MGAT4C: variants seen among roughly 807,000 people sequenced by gnomAD.
MGAT4C encodes the protein MGAT4 family member C, also known as alpha-1,3-mannosyl-glycoprotein 4-beta-N-acetylglucosaminyltransferase C.
A neutral mutation model predicts 40.1 loss-of-function variants in MGAT4C; 19 were observed. The observed-to-expected ratio is 0.47, with a 90% CI of 0.33 to 0.70. The LOEUF (loss-of-function observed/expected upper bound fraction) is 0.70. Ranked by LOEUF, MGAT4C falls within the 30% of genes least tolerant of loss-of-function variation. MGAT4C has a pLI of 0.02. For missense variants in MGAT4C, 491 were observed against 563.2 expected, an observed-to-expected ratio of 0.87 and a Z score of 1.30; for synonymous variants, 181 against 187.1, an observed-to-expected ratio of 0.97 and a Z score of 0.27.
chr12:86,837,607 T>G (rs150421293), intron 1 of MGAT4C, among the ~76,000 whole-genome samples: 134 of 152,202 alleles, frequency 8.8e-4, no homozygotes, highest in African/African-American at 3.1e-3. Context: ...ATATACCTGC[T>G]ATTCTAACCA....
chr12:86,158,938 C>T (rs1855598741), intron 1 of MGAT4C, among the ~76,000 whole-genome samples: 1 of 152,104 alleles, frequency 6.6e-6, no homozygotes, highest in East Asian at 1.9e-4. Context: ...AGTCTTTAGG[C>T]AGAATACAGG....
chr12:86,555,456 T>G (rs184089415), intron 2 of MGAT4C, among the ~76,000 whole-genome samples: 4 of 152,018 alleles, frequency 2.6e-5, no homozygotes, highest in Admixed American at 1.3e-4. Context: ...ATGTCCGGGG[T>G]CCAGGGTCTA....
chr12:86,593,344 CT>C (rs1290273573), intron 2 of MGAT4C, among the ~76,000 whole-genome samples: 1 of 151,784 alleles, frequency 6.6e-6, no homozygotes, highest in Non-Finnish European at 1.5e-5. Flanking sequence ...CATTGATTTT[CT>C]CTACTGTTTT....
At chr12:86,292,241 C>CA (rs1333723731) in intron 4 of MGAT4C, among the ~76,000 whole-genome samples, 2 of 151,414 alleles carry the variant, frequency 1.3e-5, no homozygotes, top group African/African-American at 4.9e-5. Flanking sequence ...TACATTTTAG[C>CA]AAAAATATAA....
intron 2 of MGAT4C, among the ~76,000 whole-genome samples, chr12:86,021,437 A>G (rs570452553): frequency 6.6e-6 from 1 of 152,032 alleles, no homozygotes; most frequent in Non-Finnish European, 1.5e-5. Context: ...TGTCCTTTGT[A>G]GGGACATGGA....
intron 1 of MGAT4C, among the ~76,000 whole-genome samples, chr12:86,087,117 GTGC>G (rs1416689029): frequency 1.1e-4 from 16 of 152,168 alleles, no homozygotes; most frequent in African/African-American, 3.9e-4. Flanking sequence ...ATTGTGGCTA[GTGC>G]TGCAGTAAAC....
intron 2 of MGAT4C, among the ~76,000 whole-genome samples, chr12:86,689,158 C>G (rs1950128554): frequency 6.6e-6 from 1 of 152,146 alleles, no homozygotes; most frequent in African/African-American, 2.4e-5. Flanking sequence ...GTGTATACTT[C>G]ACGAAGTTCT....
intron 1 of MGAT4C, among the ~76,000 whole-genome samples, chr12:86,187,200 C>A (rs901400137): frequency 7.9e-5 from 12 of 152,042 alleles, no homozygotes; most frequent in African/African-American, 2.7e-4. Flanking sequence ...GATCAAATCT[C>A]TACTATAGCC....
chr12:86,641,002 T>C (rs1963364512), intron 2 of MGAT4C, among the ~76,000 whole-genome samples: 1 of 151,978 alleles, frequency 6.6e-6, no homozygotes, highest in Non-Finnish European at 1.5e-5. Flanking sequence ...GTACATTTGC[T>C]GAGGAGAGCT....
chr12:86,792,935 G>A (rs529599670), intron 1 of MGAT4C, among the ~76,000 whole-genome samples: 7 of 152,056 alleles, frequency 4.6e-5, no homozygotes, highest in African/African-American at 1.7e-4. Flanking sequence ...CAAAACAAAA[G>A]AAAACAAAAC....
At position 86,012,776 on chromosome 12, in the gene MGAT4C, A is replaced by AC. The variant is rs1490312894; in HGVS notation, c.-6-23225dup. ...TCAAACAACAACAACAACAACAACAACAACCACCACCACCACCACCACCAC... is the reference window on the plus strand; with the variant it reads ...TCAAACAACAACAACAACAACAACAACCAACCACCACCACCACCACCACCAC... On this transcript the variant is annotated intron_variant, in intron 2 of 4. Transcript: ENST00000611864. Among the ~76,000 whole-genome samples, 10 of 119,548 alleles carry AC rather than the reference A, an allele frequency of 8.4e-5. No individual in the cohort carries two copies. The South Asian group carries it at 1.0e-3, about 12-fold the overall frequency. The allele number at this position is 119,548 out of a possible 152,430, so 78.4% of individuals were successfully genotyped here.
intron 1 of MGAT4C, among the ~76,000 whole-genome samples, chr12:86,088,850 C>T (rs1299380831): frequency 6.6e-6 from 1 of 152,110 alleles, no homozygotes; most frequent in South Asian, 2.1e-4. Flanking sequence ...CCTCAAGGAC[C>T]TAAAAGTAGA....
At chr12:86,305,052 C>A (rs1452737913) in intron 4 of MGAT4C, among the ~76,000 whole-genome samples, 3 of 150,528 alleles carry the variant, frequency 2.0e-5, no homozygotes, top group Admixed American at 6.6e-5. Flanking sequence ...TGGTCTTTAT[C>A]AAAAATAAAT....
At chr12:86,490,732 G>T (rs1161990009) in intron 2 of MGAT4C, among the ~76,000 whole-genome samples, 2 of 151,580 alleles carry the variant, frequency 1.3e-5, no homozygotes, top group African/African-American at 4.8e-5. Flanking sequence ...CCAAGAAAAT[G>T]GAAAACAAAA....
chr12:86,273,285 A>G (rs886948492), intron 4 of MGAT4C, among the ~76,000 whole-genome samples: 2 of 152,172 alleles, frequency 1.3e-5, no homozygotes, highest in East Asian at 1.9e-4. Context: ...TAGACTTCTC[A>G]TTTATAGATT....
At chr12:86,298,992 C>T (rs1381240224) in intron 4 of MGAT4C, among the ~76,000 whole-genome samples, 1 of 152,094 alleles carries the variant, frequency 6.6e-6, no homozygotes, top group Non-Finnish European at 1.5e-5. Context: ...CTATTTAAAA[C>T]ATATATATGT....
At chr12:86,699,721 A>C (rs1950321315) in intron 2 of MGAT4C, among the ~76,000 whole-genome samples, 1 of 152,172 alleles carries the variant, frequency 6.6e-6, no homozygotes. Flanking sequence ...TATATACTAT[A>C]TTCTTACAAC....
At chr12:86,365,346 C>T (rs544605702) in intron 3 of MGAT4C, among the ~76,000 whole-genome samples, 26 of 152,278 alleles carry the variant, frequency 1.7e-4, no homozygotes, top group African/African-American at 6.3e-4. Flanking sequence ...TGTTCAAACA[C>T]ACATGCTCTA....
intron 2 of MGAT4C, among the ~76,000 whole-genome samples, chr12:86,506,984 T>C (rs1275007508): frequency 6.6e-6 from 1 of 152,172 alleles, no homozygotes; most frequent in Non-Finnish European, 1.5e-5. Flanking sequence ...AATGTGGCCA[T>C]CTTAAAAGAA....
Sources: allele counts gnomAD v4.1 joint callset (sites outside exome capture counted in the v4.1 genomes callset), GRCh38; gene constraint gnomAD v4.1.1; transcripts MANE v1.5; gene names NCBI Gene and HGNC (gene_info 2026-07-23, HGNC 2026-07-21).